The following IQCM variants were observed in gnomAD, a reference collection of about 807,000 sequenced individuals.
IQCM encodes the protein IQ domain-containing protein M.
Under a neutral mutation model 57.6 loss-of-function variants are expected in IQCM, and 45 were observed. The observed-to-expected ratio is 0.78, with a 90% CI of 0.62 to 1.00. IQCM has a LOEUF of 1.00. Among genes scored for constraint, IQCM ranks in the 50% least tolerant of loss-of-function variants. IQCM has a pLI of 0.00. For synonymous variants in IQCM, 148 were observed against 158.9 expected (o/e 0.93, Z 0.51); for missense variants, 468 against 511.6 (o/e 0.91, Z 0.82).
At chr4:149,472,010 T>C (rs1356446343) in intron 12 of IQCM, among the ~76,000 whole-genome samples, 2 of 152,138 alleles carry the variant, frequency 1.3e-5, no homozygotes, top group East Asian at 3.9e-4. Flanking sequence ...CCACAGCCAA[T>C]ATCATACTGA....
At chr4:149,394,277 C>A (rs1205967566) in intron 13 of IQCM, among the ~76,000 whole-genome samples, 1 of 151,582 alleles carries the variant, frequency 6.6e-6, no homozygotes, top group Non-Finnish European at 1.5e-5. Flanking sequence ...CTTTGATAAT[C>A]TTCTCTTCAT....
intron 8 of IQCM, among the ~76,000 whole-genome samples, chr4:149,595,997 T>C (rs900743969): frequency 2.6e-5 from 4 of 152,148 alleles, no homozygotes; most frequent in Admixed American, 2.6e-4. Flanking sequence ...CTGGAGAAGA[T>C]GACACAGAAA....
chr4:149,526,466 C>A (rs1421136011), intron 12 of IQCM, among the ~76,000 whole-genome samples: 1 of 151,758 alleles, frequency 6.6e-6, no homozygotes, highest in African/African-American at 2.4e-5. Context: ...TTTATATCAT[C>A]AAAAAAGTTC....
chr4:149,659,794 C>A (rs1468747865), intron 7 of IQCM, among the ~76,000 whole-genome samples: 2 of 151,746 alleles, frequency 1.3e-5, no homozygotes, highest in Non-Finnish European at 2.9e-5. Flanking sequence ...AAAGCTGAAA[C>A]TGGATCCCTT....
At chr4:149,455,050 T>C (rs1338778985) in intron 12 of IQCM, among the ~76,000 whole-genome samples, 1 of 152,040 alleles carries the variant, frequency 6.6e-6, no homozygotes, top group Non-Finnish European at 1.5e-5. Context: ...TTCAACACAA[T>C]GATGGTGTGA....
intron 13 of IQCM, among the ~76,000 whole-genome samples, chr4:149,390,924 C>T (rs1439030725): frequency 6.6e-6 from 1 of 151,362 alleles, no homozygotes; most frequent in Non-Finnish European, 1.5e-5. Context: ...TAATACTGGC[C>T]TCACAGAATG....
intron 5 of IQCM, among the ~76,000 whole-genome samples, chr4:149,728,143 C>A (rs991879659): frequency 6.6e-6 from 1 of 152,228 alleles, no homozygotes; most frequent in African/African-American, 2.4e-5. Flanking sequence ...GAACTGCAAT[C>A]ACATTAACTC....
chr4:149,561,663 G>C (rs1750132748), intron 10 of IQCM, among the ~76,000 whole-genome samples: 1 of 152,048 alleles, frequency 6.6e-6, no homozygotes. Flanking sequence ...TATACAAAGA[G>C]ATAAACAAGA....
chr4:149,639,452 A>G (rs932879614), intron 7 of IQCM, among the ~76,000 whole-genome samples: 2 of 151,654 alleles, frequency 1.3e-5, no homozygotes, highest in African/African-American at 2.4e-5. Context: ...GAAGAAGAAG[A>G]AGAAGGAGAA....
At chr4:149,503,633 T>C (rs1743492263) in intron 12 of IQCM, among the ~76,000 whole-genome samples, 1 of 152,060 alleles carries the variant, frequency 6.6e-6, no homozygotes. Context: ...TTCTATAAAT[T>C]TTTTTTGAAG....
intron 2 of IQCM, among the ~76,000 whole-genome samples, chr4:149,788,523 G>A (rs540553119): frequency 6.6e-6 from 1 of 152,078 alleles, no homozygotes. Flanking sequence ...TGGAGAAAAT[G>A]GAACTTTTAT....
chr4:149,437,632 G>C (rs968357886), intron 12 of IQCM, among the ~76,000 whole-genome samples: 3 of 151,974 alleles, frequency 2.0e-5, no homozygotes, highest in African/African-American at 7.2e-5. Context: ...CCCTCCTGCA[G>C]AGCCTGGAGT....
chr4:149,498,881 T>C (rs757354891), intron 12 of IQCM, among the ~76,000 whole-genome samples: 3 of 152,088 alleles, frequency 2.0e-5, no homozygotes, highest in Non-Finnish European at 4.4e-5. Context: ...GGAAGAAATA[T>C]AATTGAAGTT....
At chr4:149,739,345 CTG>C (rs1767232347) in intron 3 of IQCM, among the ~76,000 whole-genome samples, 1 of 152,078 alleles carries the variant, frequency 6.6e-6, no homozygotes. Context: ...AACTTAAACA[CTG>C]TTACAAAACA....
chr4:149,660,563 C>A (rs1478275755), intron 7 of IQCM, among the ~76,000 whole-genome samples: 1 of 152,200 alleles, frequency 6.6e-6, no homozygotes, highest in Non-Finnish European at 1.5e-5. Context: ...TTCACAATAG[C>A]AAAGTCTTGG....
chr4:149,536,879 A>G (rs1747346157), intron 12 of IQCM, among the ~76,000 whole-genome samples: 1 of 152,056 alleles, frequency 6.6e-6, no homozygotes, highest in African/African-American at 2.4e-5. Flanking sequence ...TGAAAGCAAT[A>G]AAGAATACCT....
At chr4:149,553,918 C>G (rs1013721257) in intron 10 of IQCM, among the ~76,000 whole-genome samples, 1 of 151,982 alleles carries the variant, frequency 6.6e-6, no homozygotes, top group Non-Finnish European at 1.5e-5. Context: ...AAATATTTAC[C>G]TATTTCAAAT....
chr4:149,701,846 A>G (rs1763797937), intron 5 of IQCM, among the ~76,000 whole-genome samples: 1 of 152,012 alleles, frequency 6.6e-6, no homozygotes, highest in Non-Finnish European at 1.5e-5. Context: ...AGATGTATGG[A>G]TGAGTACAAT....
At chr4:149,354,374 A>AAAAAAAACAAAAC (rs1728797699) in intron 13 of IQCM, among the ~76,000 whole-genome samples, 1 of 132,300 alleles carries the variant, frequency 7.6e-6, no homozygotes, top group African/African-American at 2.8e-5. Context: ...AAAAAAAAAA[A>AAAAAAAACAAAAC]AAAAAAAAAA....
Sources: allele counts gnomAD v4.1 joint callset (sites outside exome capture counted in the v4.1 genomes callset), GRCh38; gene constraint gnomAD v4.1.1; transcripts MANE v1.5; gene names NCBI Gene and HGNC (gene_info 2026-07-23, HGNC 2026-07-21).